STMN2: variants seen among roughly 807,000 people sequenced by gnomAD.
STMN2 encodes the protein stathmin-2.
STMN2 carries 2 observed loss-of-function variants against 24.1 expected under a neutral mutation model. That is an observed-to-expected ratio of 0.08 (90% CI 0.03 to 0.26). The LOEUF is 0.26. Ranked by LOEUF, STMN2 falls within the 10% of genes least tolerant of loss-of-function variation. The probability of loss-of-function intolerance (pLI) is 1.00; values close to 1 mark genes in which losing one functional copy is unlikely to be tolerated. For missense variants in STMN2, 114 were observed against 213.6 expected, an observed-to-expected ratio of 0.53 and a Z score of 2.91; for synonymous variants, 83 against 77.5, an observed-to-expected ratio of 1.07 and a Z score of -0.37.
chr8:79,657,803 T>C (rs1806410325), intron 4 of STMN2, among the ~76,000 whole-genome samples: 1 of 152,226 alleles, frequency 6.6e-6, no homozygotes, highest in African/African-American at 2.4e-5. Context: ...ATATTGTGAA[T>C]GTGTATACTA....
intron 3 of STMN2, among the ~76,000 whole-genome samples, chr8:79,646,557 G>C (rs1002245198): frequency 7.2e-5 from 11 of 152,104 alleles, no homozygotes; most frequent in Non-Finnish European, 1.2e-4. Context: ...AAAATGATGA[G>C]AGCAGCAGGT....
chr8:79,635,412 C>A (rs1809919939), intron 1 of STMN2, among the ~76,000 whole-genome samples: 1 of 152,114 alleles, frequency 6.6e-6, no homozygotes, highest in African/African-American at 2.4e-5. Context: ...TTGGTGTATA[C>A]CCAAAGGAGA....
chr8:79,648,347 A>T (rs957095282), intron 3 of STMN2, among the ~76,000 whole-genome samples: 5 of 152,124 alleles, frequency 3.3e-5, no homozygotes, highest in Non-Finnish European at 2.9e-5. Context: ...GTGAAGAAGC[A>T]TCCAGTTTCT....
intron 3 of STMN2, among the ~76,000 whole-genome samples, chr8:79,642,067 C>T (rs999324100): frequency 6.6e-6 from 1 of 152,130 alleles, no homozygotes; most frequent in Non-Finnish European, 1.5e-5. Context: ...AGGGTAAGGG[C>T]CAAGAGCTTG....
chr8:79,612,652 G>A (rs1193279467), intron 1 of STMN2, among the ~76,000 whole-genome samples: 1 of 152,180 alleles, frequency 6.6e-6, no homozygotes, highest in Non-Finnish European at 1.5e-5. Context: ...TGGCCCCGGG[G>A]TGAAAAGGCA....
chr8:79,640,105 C>A (rs528230966), intron 2 of STMN2, among the ~76,000 whole-genome samples: 2 of 152,300 alleles, frequency 1.3e-5, no homozygotes, highest in African/African-American at 2.4e-5. Flanking sequence ...GAGGCTGAGG[C>A]AGGAGAATTG....
intron 1 of STMN2, among the ~76,000 whole-genome samples, chr8:79,636,112 G>A (rs1378745109): frequency 6.6e-6 from 1 of 152,084 alleles, no homozygotes; most frequent in Non-Finnish European, 1.5e-5. Flanking sequence ...AGCTAATGGG[G>A]AGGCTGAGGG....
intron 3 of STMN2, among the ~76,000 whole-genome samples, chr8:79,647,129 C>A (rs1810235475): frequency 6.6e-6 from 1 of 152,170 alleles, no homozygotes; most frequent in Non-Finnish European, 1.5e-5. Context: ...GACCCATTTC[C>A]TTCCCAATAA....
chr8:79,643,228 CTATATATA>C (rs34434345), intron 3 of STMN2, among the ~76,000 whole-genome samples: 1 of 142,234 alleles, frequency 7.0e-6, no homozygotes, highest in Non-Finnish European at 1.5e-5. Context: ...ACTAACTCGA[CTATATATA>C]TATATATATA....
intron 1 of STMN2, among the ~76,000 whole-genome samples, chr8:79,635,774 T>C (rs1196193585): frequency 1.3e-5 from 2 of 151,036 alleles, no homozygotes; most frequent in African/African-American, 4.9e-5. Flanking sequence ...AGGAGAGAGG[T>C]TTGTAAAACT....
At chr8:79,637,976 C>T (rs531861227) in intron 2 of STMN2, among the ~76,000 whole-genome samples, 1 of 152,324 alleles carries the variant, frequency 6.6e-6, no homozygotes, top group African/African-American at 2.4e-5. Context: ...AGGAAATGTC[C>T]TCCATGTGAA....
chr8:79,621,024 G>C, intron 1 of STMN2: 1 of 985,288 alleles, frequency 1.0e-6, no homozygotes. Context: ...CCTCTGTGGA[G>C]CTCTGCAACA....
chr8:79,622,326 T>C (rs902323237), intron 1 of STMN2, among the ~76,000 whole-genome samples: 4 of 152,210 alleles, frequency 2.6e-5, no homozygotes, highest in Non-Finnish European at 1.5e-5. Flanking sequence ...ATTCCCTAGA[T>C]AAATGATGAA....
intron 3 of STMN2, among the ~76,000 whole-genome samples, chr8:79,651,725 T>A (rs1810336925): frequency 6.6e-6 from 1 of 152,222 alleles, no homozygotes; most frequent in Non-Finnish European, 1.5e-5. Context: ...GGCCTCTTGA[T>A]AATAATTCAC....
chr8:79,611,670 CG>C (rs1809224565), intron 1 of STMN2: 1 of 601,260 alleles, frequency 1.7e-6, no homozygotes, highest in Non-Finnish European at 2.1e-6. Flanking sequence ...AAAGTCAAAG[CG>C]GTCCCATCCC....
At chr8:79,632,896 G>GA (rs557839493) in intron 1 of STMN2, among the ~76,000 whole-genome samples, 1 of 152,242 alleles carries the variant, frequency 6.6e-6, no homozygotes, top group African/African-American at 2.4e-5. Context: ...ACACAAGCCG[G>GA]AAAAAATCTT....
chr8:79,620,117 T>G (rs1809475700), intron 1 of STMN2, among the ~76,000 whole-genome samples: 1 of 149,552 alleles, frequency 6.7e-6, no homozygotes, highest in South Asian at 2.1e-4. Context: ...AATAATTTAT[T>G]CAGTGGCAAG....
chr8:79,626,295 T>A (rs1035381103), intron 1 of STMN2, among the ~76,000 whole-genome samples: 2 of 152,210 alleles, frequency 1.3e-5, no homozygotes, highest in African/African-American at 4.8e-5. Context: ...GACATTCACC[T>A]GCCTTCTCTT....
intron 1 of STMN2, among the ~76,000 whole-genome samples, chr8:79,612,878 CT>C (rs973452105): frequency 1.3e-5 from 2 of 152,110 alleles, no homozygotes; most frequent in African/African-American, 2.4e-5. Context: ...CCTGGAACCT[CT>C]TTTTTCAGCC....
Sources: allele counts gnomAD v4.1 joint callset (sites outside exome capture counted in the v4.1 genomes callset), GRCh38; gene constraint gnomAD v4.1.1; transcripts MANE v1.5; gene names NCBI Gene and HGNC (gene_info 2026-07-23, HGNC 2026-07-21).